Variants in ABCD3 observed in about 807,000 individuals in gnomAD.
ABCD3 encodes the protein ATP binding cassette subfamily D member 3, also known as ATP-binding cassette sub-family D member 3.
A neutral mutation model predicts 105.5 loss-of-function variants in ABCD3; 41 were observed. That is an observed-to-expected ratio of 0.39 (90% CI 0.30 to 0.50). ABCD3 has a LOEUF of 0.50. Among genes scored for constraint, ABCD3 ranks in the 20% least tolerant of loss-of-function variants. The pLI is 0.84. For synonymous variants in ABCD3, 258 were observed against 269.0 expected, an observed-to-expected ratio of 0.96 and a Z score of 0.40; for missense variants, 622 against 806.3, an observed-to-expected ratio of 0.77 and a Z score of 2.77.
At chr1:94,398,635 T>C in the ABCD3 span, among the ~76,000 whole-genome samples, 2 of 152,158 alleles carry the variant, frequency 1.3e-5, no homozygotes, top group African/African-American at 4.8e-5. Flanking sequence ...AGATATAGGC[T>C]GGGCACAGTG....
intron 3 of ABCD3, among the ~76,000 whole-genome samples, chr1:94,467,681 A>G (rs1472953987): frequency 6.6e-6 from 1 of 152,210 alleles, no homozygotes; most frequent in Non-Finnish European, 1.5e-5. Flanking sequence ...CCTAGGATTC[A>G]CTTTTGAATT....
At chr1:94,502,433 C>T (rs1384240727) in intron 20 of ABCD3, among the ~76,000 whole-genome samples, 1 of 151,496 alleles carries the variant, frequency 6.6e-6, no homozygotes, top group Non-Finnish European at 1.5e-5. Flanking sequence ...AGGCACCTTA[C>T]ACAGGTGATC....
chr1:94,483,232 GA>G lies in ABCD3; in HGVS notation c.894del (p.Lys298AsnfsTer34). The G allele has an allele frequency of 6.2e-7, 1 of 1,612,784 alleles. No homozygotes were observed. The highest frequency in any genetic ancestry group is 8.5e-7 in the Non-Finnish European group (1 of 1,178,918). ...AAGCAGACAGTCCACTCAGTCTTCC[GA>G]AAACTGGTAAGATAACACACTTGAG... ...REKQTVHSVF[R>X]KLVEHLHNFI... On this transcript the variant is annotated frameshift_variant, in exon 10 of 23. Transcript: ENST00000370214. LOFTEE classifies it high-confidence loss of function.
chr1:94,404,559 T>G, the ABCD3 span, among the ~76,000 whole-genome samples: 1 of 152,194 alleles, frequency 6.6e-6, no homozygotes, highest in African/African-American at 2.4e-5. Context: ...TCTGAATATG[T>G]AGAATGTAAT....
chr1:94,477,111 G>T (rs1014058810), intron 7 of ABCD3, among the ~76,000 whole-genome samples: 12 of 150,150 alleles, frequency 8.0e-5, no homozygotes, highest in African/African-American at 2.7e-4. Context: ...GTGTAAGTTA[G>T]ATGTTTTAAA....
rs911486403 is a variant in ABCD3, at chr1:94,458,047, G to A, written c.111-560G>A. On this transcript the variant is annotated intron_variant, in intron 1 of 22. Coordinates refer to ENST00000370214, the MANE Select transcript of ABCD3 (RefSeq NM_002858.4). Reference sequence around the variant, plus strand: ...TGCCCAGCTAATTATATTGTTTTGGGAGGTAGCCTAGACTAGTAGTCAGAA... The same window carrying A: ...TGCCCAGCTAATTATATTGTTTTGGAAGGTAGCCTAGACTAGTAGTCAGAA... Among the ~76,000 whole-genome samples the A allele has an allele frequency of 2.6e-5, 4 of 152,268 alleles. No homozygotes were observed. In the East Asian group the frequency reaches 7.7e-4, roughly 29 times the overall value.
At chr1:94,480,326 CAA>C (rs1431152882) in intron 8 of ABCD3, 136 bp from the exon 9 acceptor site, 3 of 1,026,774 alleles carry the variant, frequency 2.9e-6, no homozygotes, top group East Asian at 5.1e-5. Context: ...AGAAAAAAAA[CAA>C]AGGGAAAAAA....
At chr1:94,453,465 C>T (rs1570763963) in intron 1 of ABCD3, among the ~76,000 whole-genome samples, 1 of 151,744 alleles carries the variant, frequency 6.6e-6, no homozygotes. Flanking sequence ...ACTACAGGTG[C>T]CCGCCACCTC....
the ABCD3 span, among the ~76,000 whole-genome samples, chr1:94,404,764 T>C: frequency 6.6e-6 from 1 of 151,972 alleles, no homozygotes; most frequent in Admixed American, 6.6e-5. Context: ...CTTTCATATG[T>C]TAAAGTTAGC....
chr1:94,411,271 T>C, the ABCD3 span, among the ~76,000 whole-genome samples: 880 of 152,260 alleles, frequency 5.8e-3, 7 homozygotes, highest in African/African-American at 0.02. Flanking sequence ...AAAGAATTTT[T>C]ACAACTCAAC....
Position 94,498,848 on chromosome 1 carries a change from G to A in ABCD3, c.1530G>A (p.Gln510=). ...GAGGAAAATTATTTTATGTTCCTCA[G>A]GTAAGACCTAGCTTGAGTTATCTTT... ...PERGKLFYVP[Q]RPYMTLGTLR... Residue 510 remains glutamine, a splice_region_variant and synonymous_variant, in exon 18 of 23, where the codon CAG becomes CAA. Coordinates refer to ENST00000370214, the MANE Select transcript of ABCD3 (RefSeq NM_002858.4). 6.2e-7 allele frequency: 1 copy of A among 1,613,322 alleles called. No individual in the cohort carries two copies. Among genetic ancestry groups the A allele is most frequent in the Non-Finnish European group, 8.5e-7 (1 of 1,179,528 alleles).
At chr1:94,486,655 A>G (rs1205615987) in intron 10 of ABCD3, among the ~76,000 whole-genome samples, 1 of 152,232 alleles carries the variant, frequency 6.6e-6, no homozygotes, top group African/African-American at 2.4e-5. Flanking sequence ...AGGGATAGAT[A>G]TGAAGGGGGC....
At chr1:94,505,202 T>G (rs895831352) in intron 20 of ABCD3, among the ~76,000 whole-genome samples, 1 of 152,130 alleles carries the variant, frequency 6.6e-6, no homozygotes, top group East Asian at 1.9e-4. Context: ...GTTTTAAATT[T>G]AAAATGTTTG....
chr1:94,389,979 T>A, the ABCD3 span, among the ~76,000 whole-genome samples: 2 of 152,088 alleles, frequency 1.3e-5, no homozygotes, highest in South Asian at 2.1e-4. Flanking sequence ...AGAGCAAGAG[T>A]GTTAATAAAA....
chr1:94,489,552 C>T (rs1050952775), intron 13 of ABCD3, among the ~76,000 whole-genome samples, 173 bp from the exon 14 acceptor site: 1 of 147,938 alleles, frequency 6.8e-6, no homozygotes, highest in Non-Finnish European at 1.5e-5. Flanking sequence ...TTCCTGCTCT[C>T]CTACTGAAAC....
intron 2 of ABCD3, among the ~76,000 whole-genome samples, chr1:94,460,945 A>G (rs1647839297): frequency 6.6e-6 from 1 of 152,104 alleles, no homozygotes; most frequent in Non-Finnish European, 1.5e-5. Context: ...AAGTTCTAGG[A>G]CAGCTAGATT....
intron 16 of ABCD3, among the ~76,000 whole-genome samples, chr1:94,493,847 A>G (rs1172711397): frequency 1.3e-5 from 2 of 152,168 alleles, no homozygotes; most frequent in African/African-American, 4.8e-5. Context: ...CGCAAGGACA[A>G]AAAACCAAAC....
chr1:94,394,477 C>G, the ABCD3 span, among the ~76,000 whole-genome samples: 1 of 152,212 alleles, frequency 6.6e-6, no homozygotes, highest in Non-Finnish European at 1.5e-5. Context: ...GACATCATCA[C>G]CTATTTAAAC....
chr1:94,460,025 G>T (rs934605982), intron 2 of ABCD3, among the ~76,000 whole-genome samples: 1 of 152,072 alleles, frequency 6.6e-6, no homozygotes, highest in Admixed American at 6.6e-5. Flanking sequence ...CATTTAGGTT[G>T]CTTCTACTTT....
Sources: gnomAD v4.1 joint callset for allele counts (sites outside exome capture counted in the v4.1 genomes callset) on GRCh38, gnomAD v4.1.1 for gene constraint, MANE v1.5 for transcripts, NCBI Gene and HGNC (gene_info 2026-07-23, HGNC 2026-07-21) for gene names.